The following ROBO3 variants were observed in gnomAD, a reference collection of about 807,000 sequenced individuals.
ROBO3 encodes the protein roundabout guidance receptor 3.
Under a neutral mutation model 160.5 loss-of-function variants are expected in ROBO3, and 97 were observed. The ratio of observed to expected loss-of-function variants is 0.60; its 90% CI spans 0.51 to 0.72. The LOEUF (loss-of-function observed/expected upper bound fraction) is 0.72, where lower values mean the gene tolerates loss of function less well. Among genes scored for constraint, ROBO3 ranks in the 30% least tolerant of loss-of-function variants. The pLI is 0.00. For synonymous variants in ROBO3, 780 were observed against 746.2 expected (o/e 1.05, Z -0.74); for missense variants, 1,858 against 1,846.5 (o/e 1.01, Z -0.11).
At position 124,878,000 on chromosome 11, in the gene ROBO3, C is replaced by T. The variant is rs2135341928; in HGVS notation, c.3050C>T (p.Pro1017Leu). Residue 1017 changes from proline to leucine, a missense_variant, in exon 21 of 28, where the codon CCT becomes CTT. By Grantham distance (98) the Pro-to-Leu change is moderately conservative. Transcript: ENST00000397801. Reference sequence around the variant, plus strand: ...GGCACGGCCGCCCCTGGCGAGGGTCCTGTCTATAGCACCATTGACCCAGCG... The same window carrying T: ...GGCACGGCCGCCCCTGGCGAGGGTCTTGTCTATAGCACCATTGACCCAGCG... Reference protein sequence around the residue: ...ARGTAAPGEGPVYSTIDPAGE... With the variant: ...ARGTAAPGEGLVYSTIDPAGE... 6.2e-7 allele frequency: 1 copy of T among 1,612,120 alleles called. No individual in the cohort carries two copies. Among genetic ancestry groups the T allele is most frequent in the South Asian group, 1.1e-5 (1 of 90,708 alleles).
intron 1 of ROBO3, among the ~76,000 whole-genome samples, chr11:124,866,620 T>C (rs1467352162): frequency 3.3e-5 from 5 of 152,176 alleles, no homozygotes; most frequent in Admixed American, 2.6e-4. Context: ...CCTGGCAATA[T>C]GTGTGTGTTC....
rs769080298 is a variant in ROBO3 at position 124,874,209 on chromosome 11, C to T, written c.1924C>T (p.Pro642Ser). Reference protein sequence around the residue: ...VGAWGLSEPSPVSEPVRTQDS... With the variant: ...VGAWGLSEPSSVSEPVRTQDS... ...AGCCTGGGGCCTCAGTGAGCCCAGC[C>T]CCGTCTCTGAGCCTGTCCGTACACA... The change falls in exon 12 of 28, where the codon CCC (proline) becomes TCC (serine). Residue 642 changes from proline (P) to serine (S), a missense_variant. Coordinates refer to ENST00000397801, the MANE Select transcript of ROBO3 (RefSeq NM_022370.4). 1.9e-6 allele frequency: 3 copies of T among 1,613,920 alleles called. No individual in the cohort carries two copies. The highest frequency in any genetic ancestry group is 2.5e-6 in the Non-Finnish European group (3 of 1,179,856).
In ROBO3 at chr11:124,876,456, C is replaced by T. The variant is rs893795245; in HGVS notation, c.2775C>T (p.Tyr925=). 1.4e-6 allele frequency: 2 copies of T among 1,410,980 alleles called. No individual in the cohort carries two copies. The highest frequency in any genetic ancestry group is 1.8e-6 in the Non-Finnish European group (2 of 1,087,004). 87.4% of individuals were successfully genotyped at this position (1,410,980 alleles called of 1,614,324 possible). ...AACAGCGCAAAGAGCTCAGCCACTA[C>T]ACGGGTGAGCTCCCGGCCTCGGAGC... is the stretch of plus-strand genomic sequence containing the variant. ...RRKQRKELSH[Y]TASFAYTPAV... Residue 925 remains tyrosine (Y), a synonymous_variant, in exon 17 of 28, where the codon TAC becomes TAT. Coordinates refer to ENST00000397801, the MANE Select transcript of ROBO3 (RefSeq NM_022370.4). The surrounding 1 kb of genome is among the most constrained non-coding windows in gnomAD (Gnocchi z 5.3).
At position 124,878,258 on chromosome 11, in the gene ROBO3, C is replaced by T. The variant is rs1946454676; in HGVS notation, c.3182-40C>T. 3 of 1,606,920 alleles carry T rather than the reference C, an allele frequency of 1.9e-6. No homozygotes were observed. Among genetic ancestry groups the T allele is most frequent in the Non-Finnish European group, 2.6e-6 (3 of 1,176,452 alleles). On this transcript the variant is annotated intron_variant, in intron 21 of 27. Transcript: ENST00000397801. The surrounding 1 kb of genome is among the most constrained non-coding windows in gnomAD (Gnocchi z 4.3). Reference sequence around the variant, plus strand: ...TGACCTGTCTCATCTCTGGCTCTTTCCTGCCTGTTCTCCGGGTGTCCCCAT... The same window carrying T: ...TGACCTGTCTCATCTCTGGCTCTTTTCTGCCTGTTCTCCGGGTGTCCCCAT...
chr11:124,871,601 C>T (rs1946280801), intron 7 of ROBO3, among the ~76,000 whole-genome samples: 1 of 152,144 alleles, frequency 6.6e-6, no homozygotes, highest in South Asian at 2.1e-4. Flanking sequence ...CACAGTCATC[C>T]CTTTTGAACC....
At chr11:124,875,861 G>A (rs1209632723) in intron 15 of ROBO3, 93 bp from the exon 16 acceptor site, 8 of 1,481,000 alleles carry the variant, frequency 5.4e-6, no homozygotes, top group Non-Finnish European at 7.4e-6. Flanking sequence ...AATTACATCT[G>A]TATAAGGCTT....
Position 124,878,221 on chromosome 11 carries a change from G to A in ROBO3, c.3182-77G>A, listed in dbSNP as rs368600552. Reference sequence around the variant, plus strand: ...TCCCTGACCCTCTGGCACCTAGCCCGGCACTTCCTTCTGACCTGTCTCATC... The same window carrying A: ...TCCCTGACCCTCTGGCACCTAGCCCAGCACTTCCTTCTGACCTGTCTCATC... On this transcript the variant is annotated intron_variant, in intron 21 of 27. Coordinates refer to ENST00000397801, the MANE Select transcript of ROBO3 (RefSeq NM_022370.4). The surrounding 1 kb of genome is among the most constrained non-coding windows in gnomAD (Gnocchi z 4.3). 6.4e-5 allele frequency: 101 copies of A among 1,579,600 alleles called. No individual in the cohort carries two copies. The East Asian group carries it at 1.4e-3, about 23-fold the overall frequency.
chr11:124,869,301 G>T lies in ROBO3; in HGVS notation c.488-149G>T. The T allele has an allele frequency of 9.3e-7, 1 of 1,081,072 alleles. No individual in the cohort carries two copies. The highest frequency in any genetic ancestry group is 2.5e-5 in the East Asian group (1 of 39,238). 67.0% of individuals were successfully genotyped at this position (1,081,072 alleles called of 1,614,324 possible). A position where few individuals can be genotyped will look rare whatever the true frequency, so the allele number is the denominator to read the frequency against. On this transcript the variant is annotated intron_variant, in intron 2 of 27. Transcript: ENST00000397801. The surrounding 1 kb of genome is among the most constrained non-coding windows in gnomAD (Gnocchi z 4.2). ...CACACCACGGCCAGAGAAGGAAGTG[G>T]ATCTGACTCCAGGCTGATATTTTCT...
intron 26 of ROBO3, among the ~76,000 whole-genome samples, chr11:124,880,180 G>A (rs1277220756): frequency 2.6e-5 from 4 of 152,230 alleles, no homozygotes; most frequent in Non-Finnish European, 5.9e-5. Context: ...TAGGTGCTCT[G>A]TCCCCGCTCC....
chr11:124,872,302 T>G lies in ROBO3; in HGVS notation c.1159-79T>G. ...AGAATCATAGGAATTCTCTGAATTT[T>G]GAGATTGACAGGAATGGGGACCTCT... is the stretch of plus-strand genomic sequence containing the variant. On this transcript the variant is annotated intron_variant, in intron 7 of 27. Transcript: ENST00000397801. The surrounding 1 kb of genome is among the most constrained non-coding windows in gnomAD (Gnocchi z 4.3). The G allele has an allele frequency of 5.9e-5, 76 of 1,292,578 alleles. No homozygotes were observed. Among genetic ancestry groups the G allele is most frequent in the Middle Eastern group, 2.1e-4 (1 of 4,762 alleles). 80.1% of individuals were successfully genotyped at this position (1,292,578 alleles called of 1,614,324 possible).
intron 7 of ROBO3, 130 bp downstream of exon 7, chr11:124,871,268 G>A (rs1189630224): frequency 1.8e-6 from 2 of 1,131,602 alleles, no homozygotes; most frequent in Non-Finnish European, 2.4e-6. Context: ...ACCCTTGCAG[G>A]TTATTTGAGA....
At chr11:124,866,762 G>C (rs903217036) in intron 1 of ROBO3, among the ~76,000 whole-genome samples, 1 of 152,214 alleles carries the variant, frequency 6.6e-6, no homozygotes, top group Non-Finnish European at 1.5e-5. Context: ...TCCAGGGAAA[G>C]GGCGCCTGCA....
Position 124,865,752 on chromosome 11 carries a change from C to T in ROBO3, c.160+15C>T. On this transcript the variant is annotated intron_variant, in intron 1 of 27. Transcript: ENST00000397801. The surrounding 1 kb of genome is among the most constrained non-coding windows in gnomAD (Gnocchi z 5.5). ...CTCTCTCAACGGTGAGACCCTGCCT[C>T]TTGGGGATATGGGATCCTGGGATGG... is the stretch of plus-strand genomic sequence containing the variant. The T allele has an allele frequency of 6.3e-7, 1 of 1,597,302 alleles. No homozygotes were observed. The highest frequency in any genetic ancestry group is 1.1e-5 in the South Asian group (1 of 88,726).
At position 124,875,602 on chromosome 11, in the gene ROBO3, G is replaced by C. The variant is rs774837591; in HGVS notation, c.2338G>C (p.Gly780Arg). Reference protein sequence around the residue: ...GPPQGVAVALGGDGNSSITVS... With the variant: ...GPPQGVAVALRGDGNSSITVS... ...CCCACAGGGAGTGGCGGTGGCCTTG[G>C]GGGGTGATGGCAACAGCAGTATCAC... The change falls in exon 15 of 28, where the codon GGG (glycine) becomes CGG (arginine). Residue 780 changes from glycine to arginine, a missense_variant. Coordinates refer to ENST00000397801, the MANE Select transcript of ROBO3 (RefSeq NM_022370.4). 1.2e-6 allele frequency: 2 copies of C among 1,611,670 alleles called. No homozygotes were observed. The highest frequency in any genetic ancestry group is 1.7e-6 in the Non-Finnish European group (2 of 1,179,042).
chr11:124,870,431 C>A, intron 5 of ROBO3, 128 bp downstream of exon 5: 1 of 1,464,274 alleles, frequency 6.8e-7, no homozygotes, highest in Non-Finnish European at 9.2e-7. Context: ...GAGCCTGTGG[C>A]CCCAGTCCTA....
chr11:124,870,518 C>A, intron 5 of ROBO3, 83 bp from the exon 6 acceptor site: 1 of 1,592,900 alleles, frequency 6.3e-7, no homozygotes, highest in South Asian at 1.1e-5. Context: ...TCTTTAAGTA[C>A]CTTGACCCTG....
In ROBO3 at chr11:124,875,997, C is replaced by CT; in HGVS notation, c.2466dup (p.Ala823CysfsTer163). On this transcript the variant is annotated frameshift_variant, in exon 16 of 28. Transcript: ENST00000397801. LOFTEE classifies it high-confidence loss of function. ...GAGAGCCGCTTTCACCTCAATCGATCTGCAGCAGGCTGGGCACGCTCCGCA... is the reference window on the plus strand; with the variant it reads ...GAGAGCCGCTTTCACCTCAATCGATCTTGCAGCAGGCTGGGCACGCTCCGCA... 1 of 1,600,580 alleles carries CT rather than the reference C, an allele frequency of 6.2e-7. No individual in the cohort carries two copies. The highest frequency in any genetic ancestry group is 8.5e-7 in the Non-Finnish European group (1 of 1,173,868).
chr11:124,880,608 G>GGTA lies in ROBO3; in HGVS notation c.4149+2_4149+4dup. The GGTA allele has an allele frequency of 1.9e-6, 3 of 1,539,536 alleles. No individual in the cohort carries two copies. The highest frequency in any genetic ancestry group is 1.7e-6 in the Non-Finnish European group (2 of 1,143,288). On this transcript the variant is annotated inframe_insertion and splice_region_variant. Coordinates refer to ENST00000397801, the MANE Select transcript of ROBO3 (RefSeq NM_022370.4). The stretch of plus-strand genomic sequence containing the variant: ...AAAGGCCAGGACAGAAACGCCGAGA[G>GGTA]GTAGGGGCCATAGATTGCAGAAAAA...
chr11:124,870,916 A>G, intron 6 of ROBO3, 98 bp from the exon 7 acceptor site: 2 of 1,534,566 alleles, frequency 1.3e-6, no homozygotes, highest in Non-Finnish European at 1.8e-6. Flanking sequence ...CTGCTCCTGT[A>G]CACTTGAGCT....
Sources: gnomAD v4.1 joint callset for allele counts (sites outside exome capture counted in the v4.1 genomes callset) on GRCh38, gnomAD v4.1.1 for gene constraint, Gnocchi (gnomAD v3.1) non-coding constraint, MANE v1.5 for transcripts, NCBI Gene and HGNC (gene_info 2026-07-23, HGNC 2026-07-21) for gene names.